GPC5: variants seen among roughly 807,000 people sequenced by gnomAD.
GPC5 encodes the protein glypican 5, also known as glypican-5.
Under a neutral mutation model 53.9 loss-of-function variants are expected in GPC5, and 47 were observed. The observed-to-expected ratio is 0.87, with a 90% CI of 0.69 to 1.11. GPC5 has a LOEUF of 1.11. Among genes scored for constraint, GPC5 ranks in the 50% most tolerant of loss-of-function variants. GPC5 has a pLI of 0.00. For synonymous variants in GPC5, 286 were observed against 263.3 expected (o/e 1.09, Z -0.84); for missense variants, 748 against 713.1 (o/e 1.05, Z -0.56).
At chr13:91,754,684 G>T (rs565718213) in intron 4 of GPC5, among the ~76,000 whole-genome samples, 1 of 152,166 alleles carries the variant, frequency 6.6e-6, no homozygotes, top group African/African-American at 2.4e-5. Context: ...GAATTAGTCT[G>T]CTTCCTCAAT....
intron 7 of GPC5, among the ~76,000 whole-genome samples, chr13:92,216,757 ACCAC>A (rs2042413254): frequency 6.6e-6 from 1 of 152,066 alleles, no homozygotes; most frequent in Non-Finnish European, 1.5e-5. Context: ...AGGTGGGCGG[ACCAC>A]CTGAGGTCAG....
intron 2 of GPC5, among the ~76,000 whole-genome samples, chr13:91,610,539 C>T (rs946232793): frequency 6.6e-6 from 1 of 152,140 alleles, no homozygotes; most frequent in Non-Finnish European, 1.5e-5. Flanking sequence ...CAGCATTCCA[C>T]CAGGAATTCA....
intron 5 of GPC5, among the ~76,000 whole-genome samples, chr13:91,901,347 C>A (rs2039495556): frequency 1.3e-5 from 2 of 151,976 alleles, no homozygotes; most frequent in African/African-American, 4.8e-5. Context: ...TCACAAAAGG[C>A]TTAATCATTT....
Position 91,970,770 on chromosome 13 carries a change from A to T in GPC5, c.1401+62713A>T, listed in dbSNP as rs565061193. ...TCTGTTTATATACTGGATTACATTT[A>T]TTGATTTGTGAATGTTGAACCAACC... is the stretch of plus-strand genomic sequence containing the variant. On this transcript the variant is annotated intron_variant, in intron 6 of 7. Coordinates refer to ENST00000377067, the MANE Select transcript of GPC5 (RefSeq NM_004466.6). 5.3e-5 allele frequency among the ~76,000 whole-genome samples: 8 copies of T among 152,284 alleles called. No individual in the cohort carries two copies. In the South Asian group the frequency reaches 1.7e-3, roughly 32 times the overall value.
At chr13:92,311,207 A>G in intron 7 of GPC5, among the ~76,000 whole-genome samples, 1 of 152,312 alleles carries the variant, frequency 6.6e-6, no homozygotes, top group South Asian at 2.1e-4. Flanking sequence ...ATGTCCATAT[A>G]GCAATTAAAA....
intron 7 of GPC5, among the ~76,000 whole-genome samples, chr13:92,293,675 A>G (rs1446151718): frequency 6.6e-6 from 1 of 151,914 alleles, no homozygotes; most frequent in Non-Finnish European, 1.5e-5. Context: ...ACCAATTTGG[A>G]TGCGCTGTAT....
intron 7 of GPC5, among the ~76,000 whole-genome samples, chr13:92,700,219 G>A (rs960966440): frequency 2.0e-5 from 3 of 148,492 alleles, no homozygotes; most frequent in Admixed American, 6.7e-5. Flanking sequence ...TTGGTTTGAA[G>A]TCTGTTTTAT....
chr13:92,310,649 G>A (rs535220533), intron 7 of GPC5, among the ~76,000 whole-genome samples: 4 of 152,182 alleles, frequency 2.6e-5, no homozygotes, highest in African/African-American at 7.2e-5. Flanking sequence ...TCATAGAAAG[G>A]GATAGGCCTT....
chr13:92,059,712 G>C (rs1473341935), intron 6 of GPC5: 2 of 151,744 alleles, frequency 1.3e-5, no homozygotes, highest in Admixed American at 1.3e-4. Context: ...ATAGTATTTA[G>C]AAAACTTCAT....
intron 5 of GPC5, among the ~76,000 whole-genome samples, chr13:91,903,693 G>C (rs2039522304): frequency 1.3e-5 from 2 of 152,080 alleles, no homozygotes; most frequent in African/African-American, 2.4e-5. Flanking sequence ...TGACTCATAA[G>C]AAGAGTGACT....
chr13:92,409,727 G>T (rs1875960931), intron 7 of GPC5, among the ~76,000 whole-genome samples: 1 of 152,126 alleles, frequency 6.6e-6, no homozygotes, highest in Non-Finnish European at 1.5e-5. Context: ...GTATGCACAA[G>T]ATGTTCACTG....
chr13:91,567,231 G>T (rs1264944246), intron 2 of GPC5, among the ~76,000 whole-genome samples: 1 of 151,954 alleles, frequency 6.6e-6, no homozygotes, highest in Non-Finnish European at 1.5e-5. Context: ...GGTTCAACGT[G>T]GTATATATGA....
chr13:92,149,491 T>C (rs989322880), intron 7 of GPC5, among the ~76,000 whole-genome samples: 1 of 152,048 alleles, frequency 6.6e-6, no homozygotes, highest in Non-Finnish European at 1.5e-5. Flanking sequence ...TAAATAGAAC[T>C]ATTGTTTGTG....
intron 7 of GPC5, among the ~76,000 whole-genome samples, chr13:92,797,917 G>A (rs1876758149): frequency 6.6e-6 from 1 of 151,784 alleles, no homozygotes; most frequent in African/African-American, 2.4e-5. Flanking sequence ...TAGATGGATA[G>A]ATACAGTTCA....
At chr13:92,291,088 A>G (rs1468235467) in intron 7 of GPC5, among the ~76,000 whole-genome samples, 1 of 152,158 alleles carries the variant, frequency 6.6e-6, no homozygotes, top group Non-Finnish European at 1.5e-5. Context: ...TCCGCTAGGC[A>G]GGGCTTGGGA....
At chr13:92,189,935 T>C (rs9560966) in intron 7 of GPC5, among the ~76,000 whole-genome samples, 4 of 151,916 alleles carry the variant, frequency 2.6e-5, no homozygotes, top group African/African-American at 7.2e-5. Flanking sequence ...AGAAGTAACA[T>C]TGGGAGAAAT....
intron 6 of GPC5, among the ~76,000 whole-genome samples, chr13:91,931,756 T>G (rs1225682169): frequency 2.6e-5 from 4 of 152,022 alleles, no homozygotes; most frequent in African/African-American, 9.7e-5. Context: ...GGGCTTTTTA[T>G]TGCTTCAGCC....
chr13:92,393,467 TG>T (rs1875118129), intron 7 of GPC5, among the ~76,000 whole-genome samples: 1 of 152,102 alleles, frequency 6.6e-6, no homozygotes, highest in Non-Finnish European at 1.5e-5. Flanking sequence ...CTGGCCAACA[TG>T]GCGAAACCCT....
intron 6 of GPC5, among the ~76,000 whole-genome samples, chr13:92,137,417 A>G (rs2041793234): frequency 6.6e-6 from 1 of 152,164 alleles, no homozygotes; most frequent in Non-Finnish European, 1.5e-5. Flanking sequence ...CAGAGTGGGG[A>G]GCCAGTTAAT....
Sources: gnomAD v4.1 joint callset for allele counts (sites outside exome capture counted in the v4.1 genomes callset) on GRCh38, gnomAD v4.1.1 for gene constraint, MANE v1.5 for transcripts, NCBI Gene and HGNC (gene_info 2026-07-23, HGNC 2026-07-21) for gene names.